Variants in C17orf75 observed in about 807,000 individuals in gnomAD.
C17orf75 encodes chromosome 17 open reading frame 75.
A neutral mutation model predicts 49.6 loss-of-function variants in C17orf75; 32 were observed. The observed-to-expected ratio is 0.65, with a 90% confidence interval of 0.49 to 0.87. The LOEUF (loss-of-function observed/expected upper bound fraction) is 0.87, where lower values mean the gene tolerates loss of function less well. C17orf75 is among the 40% of genes least tolerant of loss of function. The probability of loss-of-function intolerance (pLI) is 0.00; values close to 1 mark genes in which losing one functional copy is unlikely to be tolerated. For synonymous variants in C17orf75, 158 were observed against 159.5 expected (o/e 0.99, Z 0.07); for missense variants, 428 against 473.9 (o/e 0.90, Z 0.90).
intron 7 of C17orf75, 38 bp downstream of exon 7, chr17:32,334,737 G>T: frequency 6.4e-7 from 1 of 1,570,844 alleles, no homozygotes; most frequent in Non-Finnish European, 8.7e-7. Context: ...CAATCTTGCT[G>T]TGGAAAAGCT....
Position 32,342,012 on chromosome 17 carries a change from T to C in C17orf75, c.128A>G (p.Tyr43Cys), listed in dbSNP as rs2041386030. 2 of 1,474,902 alleles carry C rather than the reference T, an allele frequency of 1.4e-6. No homozygotes were observed. The highest frequency in any genetic ancestry group is 5.9e-5 in the East Asian group (2 of 33,930). The allele number at this position is 1,474,902 out of a possible 1,614,324, so 91.4% of individuals were successfully genotyped here. Residue 43 changes from tyrosine to cysteine, a missense_variant, in exon 1 of 10, where the codon TAT (tyrosine) becomes TGT (cysteine). Coordinates refer to ENST00000577809, the MANE Select transcript of C17orf75 (RefSeq NM_022344.4). The stretch of plus-strand genomic sequence containing the variant: ...TGGGCGCCAGCACCTGCTTCCGCGA[T>C]AGCTGTAAAGACAGTAGTGGCTGCT... ...PSSSHYCLYSYRGSRLAQQRG... is the reference protein window; with the variant it reads ...PSSSHYCLYSCRGSRLAQQRG...
chr17:32,341,562 G>T (rs924694936), intron 1 of C17orf75, among the ~76,000 whole-genome samples: 3 of 152,184 alleles, frequency 2.0e-5, no homozygotes, highest in Admixed American at 2.0e-4. Context: ...AAGGTTCCAG[G>T]AAAGTCAGAA....
At chr17:32,336,590 T>C (rs1189680113) in intron 5 of C17orf75, among the ~76,000 whole-genome samples, 1 of 152,176 alleles carries the variant, frequency 6.6e-6, no homozygotes, top group Non-Finnish European at 1.5e-5. Flanking sequence ...ATAGAATGTT[T>C]TTAAGAATCT....
upstream of C17orf75, chr17:32,343,870 A>C: frequency 1.5e-6 from 1 of 678,208 alleles, no homozygotes; most frequent in Admixed American, 2.0e-5. Flanking sequence ...CTTCCTGGAG[A>C]GGTTGAGTTA....
chr17:32,338,464 C>T, intron 3 of C17orf75, 113 bp from the exon 4 acceptor site: 1 of 1,046,986 alleles, frequency 9.6e-7, no homozygotes, highest in Middle Eastern at 2.7e-4. Context: ...TTAAACTGCC[C>T]ACTAACTCAG....
chr17:32,338,020 T>C, intron 4 of C17orf75, 66 bp from the exon 5 acceptor site: 1 of 1,535,526 alleles, frequency 6.5e-7, no homozygotes, highest in African/African-American at 1.4e-5. Flanking sequence ...CAACAAGAAA[T>C]ATAAAATCTC....
chr17:32,348,812 G>T (rs2041449947), intron 1 of C17orf75, among the ~76,000 whole-genome samples: 1 of 149,788 alleles, frequency 6.7e-6, no homozygotes, highest in South Asian at 2.1e-4. Flanking sequence ...ACCCGCCTTT[G>T]CTAGCCTCCC....
Position 32,348,867 on chromosome 17 carries a change from C to CTTTTTT in C17orf75, c.-7+1069_-7+1074dup, listed in dbSNP as rs561014138. 2.6e-4 allele frequency among the ~76,000 whole-genome samples: 28 copies of CTTTTTT among 108,858 alleles called. 2 individuals are homozygous for CTTTTTT. Among genetic ancestry groups the CTTTTTT allele is most frequent in the African/African-American group, 9.4e-4 (25 of 26,532 alleles). 71.4% of individuals were successfully genotyped at this position (108,858 alleles called of 152,430 possible). On this transcript the variant is annotated intron_variant, in intron 1 of 8. Transcript: ENST00000583774. ...CAGCACCTTCACTGACAGCTCCAGTCTTTTTTTTTTTTTTTTGAGACGGAG... is the reference window on the plus strand; with the variant it reads ...CAGCACCTTCACTGACAGCTCCAGTCTTTTTTTTTTTTTTTTTTTTTTGAGACGGAG...
At chr17:32,345,411 G>A (rs1178014078), upstream of C17orf75, among the ~76,000 whole-genome samples, 1 of 152,132 alleles carries the variant, frequency 6.6e-6, no homozygotes, top group African/African-American at 2.4e-5. Context: ...GGGAGGCAGA[G>A]GTTGCAGTGA....
intron 3 of C17orf75, 83 bp downstream of exon 3, chr17:32,339,730 G>T: frequency 6.4e-7 from 1 of 1,554,394 alleles, no homozygotes. Context: ...GGTCTAGTAG[G>T]AGCTGATCTT....
chr17:32,343,359 A>G (rs974024504), upstream of C17orf75, among the ~76,000 whole-genome samples: 6 of 152,048 alleles, frequency 3.9e-5, no homozygotes, highest in Non-Finnish European at 7.4e-5. Flanking sequence ...AAAACTTCAT[A>G]AAGTTAAAAG....
Position 32,341,190 on chromosome 17 carries a change from G to A in C17orf75, c.221+14C>T, listed in dbSNP as rs768096671. 1.2e-6 allele frequency: 2 copies of A among 1,613,318 alleles called. No homozygotes were observed. The highest frequency in any genetic ancestry group is 1.1e-5 in the South Asian group (1 of 91,072). Reference sequence around the variant, plus strand: ...TGAAAGCACATGCATGAATTATGCTGAAGCTCTTTTTACCTGAAATCATCA... The same window carrying A: ...TGAAAGCACATGCATGAATTATGCTAAAGCTCTTTTTACCTGAAATCATCA... On this transcript the variant is annotated intron_variant, in intron 2 of 9. Coordinates refer to ENST00000577809, the MANE Select transcript of C17orf75 (RefSeq NM_022344.4).
chr17:32,343,852 CAGA>C (rs1046859553), upstream of C17orf75: 8 of 676,752 alleles, frequency 1.2e-5, no homozygotes, highest in East Asian at 2.7e-5. Flanking sequence ...TAGTTTTAAG[CAGA>C]AGAACTTCCT....
chr17:32,345,687 G>T (rs561595633), upstream of C17orf75, among the ~76,000 whole-genome samples: 1 of 151,950 alleles, frequency 6.6e-6, no homozygotes, highest in Non-Finnish European at 1.5e-5. Flanking sequence ...AGAATTAGGC[G>T]GGCGTGGTGG....
chr17:32,335,974 C>T (rs2041321377), intron 5 of C17orf75, among the ~76,000 whole-genome samples: 1 of 152,184 alleles, frequency 6.6e-6, no homozygotes, highest in East Asian at 1.9e-4. Context: ...GACATGCTAC[C>T]GTGAGCACAT....
chr17:32,339,052 C>T (rs8072911), intron 3 of C17orf75, among the ~76,000 whole-genome samples: 3,905 of 152,036 alleles, frequency 0.026, 175 homozygotes, highest in African/African-American at 0.089. Flanking sequence ...GATCATGCTA[C>T]TGTACTCCAG....
At chr17:32,341,161 A>G (rs913825927) in intron 2 of C17orf75, 43 bp downstream of exon 2, 2 of 1,590,048 alleles carry the variant, frequency 1.3e-6, no homozygotes, top group African/African-American at 2.7e-5. Context: ...AGATGCAGGG[A>G]AGATGAAAGC....
upstream of C17orf75, chr17:32,342,285 T>C (rs1008897252): frequency 7.6e-7 from 1 of 1,313,108 alleles, no homozygotes; most frequent in South Asian, 1.8e-5. Context: ...AGGACTGGCC[T>C]GGAAAGGGAG....
upstream of C17orf75, chr17:32,343,812 G>T: frequency 1.5e-6 from 1 of 669,474 alleles, no homozygotes; most frequent in Non-Finnish European, 2.7e-6. Flanking sequence ...ATTTCAGATC[G>T]GCAGTAGTCT....
Sources: gnomAD v4.1 joint callset for allele counts (sites outside exome capture counted in the v4.1 genomes callset) on GRCh38, gnomAD v4.1.1 for gene constraint, MANE v1.5 for transcripts, NCBI Gene and HGNC (gene_info 2026-07-23, HGNC 2026-07-21) for gene names.